ME1: variants seen among roughly 807,000 people sequenced by gnomAD.
The protein encoded by ME1 is malic enzyme 1, also known as NADP-dependent malic enzyme.
In ME1, 74 loss-of-function variants were observed where a neutral mutation model predicts 66.4. That is an observed-to-expected ratio of 1.11 (90% CI 0.92 to 1.35). The LOEUF is 1.35. Ranked by LOEUF, ME1 falls within the 40% of genes most tolerant of loss-of-function variation. ME1 has a pLI of 0.00. For synonymous variants in ME1, 251 were observed against 235.6 expected (o/e 1.07, Z -0.60); for missense variants, 750 against 694.1 (o/e 1.08, Z -0.90).
At chr6:83,375,821 C>G (rs1291046613) in intron 3 of ME1, among the ~76,000 whole-genome samples, 1 of 152,162 alleles carries the variant, frequency 6.6e-6, no homozygotes, top group African/African-American at 2.4e-5. Context: ...TGCATTTTAT[C>G]AAAGGCCTTT....
At chr6:83,221,158 C>CAAAAAA (rs3216577) in intron 12 of ME1, among the ~76,000 whole-genome samples, 3 of 143,336 alleles carry the variant, frequency 2.1e-5, no homozygotes, top group Non-Finnish European at 3.0e-5. Flanking sequence ...GACTCCGTCT[C>CAAAAAA]AAAAAAAAAA....
At chr6:83,327,432 G>A (rs754499703) in intron 5 of ME1, among the ~76,000 whole-genome samples, 1 of 152,144 alleles carries the variant, frequency 6.6e-6, no homozygotes, top group East Asian at 1.9e-4. Context: ...AAGAGAATGC[G>A]CACCTAGGGG....
In ME1 at chr6:83,251,352, G is replaced by A. The variant is rs571691669; in HGVS notation, c.814+2277C>T. 1.3e-3 allele frequency among the ~76,000 whole-genome samples: 201 copies of A among 151,946 alleles called. 2 individuals are homozygous for A. Among genetic ancestry groups the A allele is most frequent in the African/African-American group, 4.2e-3 (173 of 41,440 alleles). On this transcript the variant is annotated intron_variant, in intron 7 of 13. Transcript: ENST00000369705. ...TCTACTAAAAATACAAAAATTAGCCGGGCGCAGTGGCACGCACCTGTAATC... is the reference window on the plus strand; with the variant it reads ...TCTACTAAAAATACAAAAATTAGCCAGGCGCAGTGGCACGCACCTGTAATC...
At chr6:83,391,772 G>C (rs1377461774) in intron 3 of ME1, among the ~76,000 whole-genome samples, 1 of 152,080 alleles carries the variant, frequency 6.6e-6, no homozygotes, top group Non-Finnish European at 1.5e-5. Context: ...TGTTCCCACT[G>C]AGGGCCTTGG....
chr6:83,398,245 AT>A, intron 3 of ME1, 121 bp downstream of exon 3: 1 of 676,940 alleles, frequency 1.5e-6, no homozygotes, highest in Non-Finnish European at 2.4e-6. Flanking sequence ...TCCTCTGTAC[AT>A]CATAAATATA....
chr6:83,420,875 G>T (rs977071371), intron 1 of ME1, among the ~76,000 whole-genome samples: 1 of 152,004 alleles, frequency 6.6e-6, no homozygotes, highest in African/African-American at 2.4e-5. Flanking sequence ...TGTTGTTGTT[G>T]TTGGGTTTTT....
intron 9 of ME1, among the ~76,000 whole-genome samples, chr6:83,232,740 AC>A (rs1393935588): frequency 1.3e-5 from 2 of 152,142 alleles, no homozygotes; most frequent in Non-Finnish European, 2.9e-5. Context: ...TAGCAGATAA[AC>A]TATATAGTCT....
At chr6:83,231,790 T>A (rs936605258) in intron 9 of ME1, among the ~76,000 whole-genome samples, 2 of 152,152 alleles carry the variant, frequency 1.3e-5, no homozygotes, top group African/African-American at 4.8e-5. Flanking sequence ...AAAGTGCATG[T>A]GGGCACCTCT....
At chr6:83,371,063 C>T (rs1769185747) in intron 3 of ME1, among the ~76,000 whole-genome samples, 1 of 152,072 alleles carries the variant, frequency 6.6e-6, no homozygotes, top group Non-Finnish European at 1.5e-5. Context: ...ATCTCATGTC[C>T]CAAATCTTTA....
chr6:83,304,818 G>A (rs971337039), intron 6 of ME1, among the ~76,000 whole-genome samples: 2 of 152,082 alleles, frequency 1.3e-5, no homozygotes, highest in African/African-American at 2.4e-5. Context: ...TTTGATTATG[G>A]CAAATTTTAT....
At chr6:83,346,457 A>C in intron 4 of ME1, 123 bp from the exon 5 acceptor site, 1 of 538,632 alleles carries the variant, frequency 1.9e-6, no homozygotes, top group Non-Finnish European at 3.0e-6. Flanking sequence ...TAAATTGAAT[A>C]TTTATGAAAA....
chr6:83,281,705 C>T (rs2128533043), intron 6 of ME1, among the ~76,000 whole-genome samples: 1 of 143,564 alleles, frequency 7.0e-6, no homozygotes, highest in South Asian at 2.3e-4. Context: ...ACTCGGGAGG[C>T]TGAGGCATGA....
At chr6:83,224,778 C>T (rs1352665777) in intron 11 of ME1, among the ~76,000 whole-genome samples, 3 of 149,584 alleles carry the variant, frequency 2.0e-5, no homozygotes, top group African/African-American at 7.4e-5. Context: ...AACTCATTGG[C>T]AGGAGTAGAA....
At chr6:83,393,394 G>A (rs1474200400) in intron 3 of ME1, 1 of 723,268 alleles carries the variant, frequency 1.4e-6, no homozygotes, top group Non-Finnish European at 2.4e-6. Flanking sequence ...CCCACAGTGT[G>A]GCTTCCAAGG....
intron 12 of ME1, among the ~76,000 whole-genome samples, chr6:83,222,971 T>C (rs553587963): frequency 7.2e-5 from 11 of 152,328 alleles, no homozygotes; most frequent in African/African-American, 2.4e-4. Flanking sequence ...TAATTTCCTA[T>C]TTTGATCTAA....
At chr6:83,304,424 C>A (rs145382934) in intron 6 of ME1, among the ~76,000 whole-genome samples, 12 of 152,296 alleles carry the variant, frequency 7.9e-5, no homozygotes, top group Admixed American at 7.9e-4. Flanking sequence ...CAGCACCATT[C>A]CAACCTGTGC....
At chr6:83,269,165 G>T (rs1434440545) in intron 6 of ME1, among the ~76,000 whole-genome samples, 1 of 152,058 alleles carries the variant, frequency 6.6e-6, no homozygotes, top group African/African-American at 2.4e-5. Context: ...AATACTCAGT[G>T]CTAATAAACA....
At chr6:83,273,020 T>TA (rs1562465814) in intron 6 of ME1, among the ~76,000 whole-genome samples, 1 of 151,222 alleles carries the variant, frequency 6.6e-6, no homozygotes, top group East Asian at 1.9e-4. Flanking sequence ...ACTAAAAATA[T>TA]AAAAAAATTA....
In ME1 at chr6:83,315,390, G is replaced by T. The variant is rs557210377; in HGVS notation, c.624C>A (p.Tyr208Ter). 5 of 1,604,726 alleles carry T rather than the reference G, an allele frequency of 3.1e-6. No individual in the cohort carries two copies. The African/African-American group carries it at 4.0e-5, about 13-fold the overall frequency. The stretch of plus-strand genomic sequence containing the variant: ...TTACTCTTCTCTGCCGTAGTCCAAT[G>T]TAGAGTGGATCTTTAAGTAACTCCT... ...ENEELLKDPL[Y>*]IGLRQRRVRG... The change falls in exon 6 of 14, where the codon TAC (tyrosine) becomes TAA (stop). Residue 208 changes from tyrosine to a stop codon, truncating the protein, a stop_gained. Transcript: ENST00000369705. LOFTEE classifies it high-confidence loss of function.
Sources: gnomAD v4.1 joint callset for allele counts (sites outside exome capture counted in the v4.1 genomes callset) on GRCh38, gnomAD v4.1.1 for gene constraint, MANE v1.5 for transcripts, NCBI Gene and HGNC (gene_info 2026-07-23, HGNC 2026-07-21) for gene names.